The following OSBPL10 variants were observed in gnomAD, a reference collection of about 807,000 sequenced individuals.
OSBPL10 encodes oxysterol-binding protein-related protein 10.
A neutral mutation model predicts 81.7 loss-of-function variants in OSBPL10; 49 were observed. The observed-to-expected ratio is 0.60, with a 90% CI of 0.48 to 0.76. OSBPL10 has a LOEUF of 0.76. OSBPL10 is among the 30% of genes least tolerant of loss of function. OSBPL10 has a pLI of 0.00. For missense variants in OSBPL10, 923 were observed against 987.8 expected, an observed-to-expected ratio of 0.93 and a Z score of 0.88; for synonymous variants, 419 against 383.6, an observed-to-expected ratio of 1.09 and a Z score of -1.08.
chr3:31,748,052 G>A lies in OSBPL10; in HGVS notation c.798C>T (p.Gly266=), dbSNP rs1200504099. 1.9e-6 allele frequency: 3 copies of A among 1,614,034 alleles called. No individual in the cohort carries two copies. The highest frequency in any genetic ancestry group is 1.7e-6 in the Non-Finnish European group (2 of 1,180,040). The change falls in exon 5 of 12, where the codon GGC becomes GGT. Residue 266 remains glycine, a synonymous_variant. Coordinates refer to ENST00000396556, the MANE Select transcript of OSBPL10 (RefSeq NM_017784.5). ...GGTCCTGGTCCAAGGCAGTGAGGGG[G>A]CCGGACCCTGGCAGGGACTCAATGG... ...VHAIESLPGS[G]PLTALDQDLL...
chr3:31,989,456 C>G, intron 2 of OSBPL10: 1 of 1,614,216 alleles, frequency 6.2e-7, no homozygotes, highest in Non-Finnish European at 8.5e-7. Context: ...AGCCATGAAG[C>G]AACTATGACA....
At chr3:31,869,836 C>T (rs1018678494) in intron 3 of OSBPL10, among the ~76,000 whole-genome samples, 7 of 152,222 alleles carry the variant, frequency 4.6e-5, no homozygotes, top group African/African-American at 1.7e-4. Context: ...TGAAGAGTAA[C>T]ACAATCATGG....
intron 4 of OSBPL10, among the ~76,000 whole-genome samples, chr3:31,749,625 G>A (rs146628731): frequency 9.7e-4 from 147 of 152,178 alleles, no homozygotes; most frequent in African/African-American, 3.4e-3. Flanking sequence ...GACCAGCCTG[G>A]CCAACATGGT....
At chr3:32,037,151 G>A (rs1322602117) in intron 2 of OSBPL10, among the ~76,000 whole-genome samples, 1 of 152,194 alleles carries the variant, frequency 6.6e-6, no homozygotes, top group African/African-American at 2.4e-5. Flanking sequence ...TGGAAGAAAA[G>A]CTCCCCTACG....
chr3:31,810,496 A>T (rs991247073), intron 4 of OSBPL10, among the ~76,000 whole-genome samples: 1 of 152,144 alleles, frequency 6.6e-6, no homozygotes. Flanking sequence ...AAACAAAAAA[A>T]TTTTAACACA....
intron 5 of OSBPL10, among the ~76,000 whole-genome samples, chr3:31,740,968 T>C (rs984665764): frequency 2.7e-5 from 4 of 150,246 alleles, no homozygotes; most frequent in Non-Finnish European, 4.4e-5. Context: ...AAAACAAAAA[T>C]CATAAGGAGA....
chr3:31,741,800 T>C lies in OSBPL10; in HGVS notation c.940+6110A>G, dbSNP rs149118692. On this transcript the variant is annotated intron_variant, in intron 5 of 11. Coordinates refer to ENST00000396556, the MANE Select transcript of OSBPL10 (RefSeq NM_017784.5). Reference sequence around the variant, plus strand: ...AGAGACCCAGTGGAGTATGACTGAATCATGCGGCAGGTCTATCCCACACTG... The same window carrying C: ...AGAGACCCAGTGGAGTATGACTGAACCATGCGGCAGGTCTATCCCACACTG... 1.4e-3 allele frequency among the ~76,000 whole-genome samples: 216 copies of C among 152,296 alleles called. 2 individuals are homozygous for C. The highest frequency in any genetic ancestry group is 4.9e-3 in the African/African-American group (204 of 41,560).
intron 1 of OSBPL10, among the ~76,000 whole-genome samples, chr3:31,932,667 T>C (rs1697282282): frequency 6.6e-6 from 1 of 152,102 alleles, no homozygotes. Context: ...AAGAGGCTAT[T>C]TAACATCATT....
At chr3:31,800,119 G>T (rs1699343820) in intron 4 of OSBPL10, among the ~76,000 whole-genome samples, 1 of 152,202 alleles carries the variant, frequency 6.6e-6, no homozygotes, top group Non-Finnish European at 1.5e-5. Context: ...CTTAGCAATG[G>T]TCCAACTTCT....
chr3:32,007,936 C>A (rs1267341137), intron 2 of OSBPL10, among the ~76,000 whole-genome samples: 3 of 151,288 alleles, frequency 2.0e-5, no homozygotes, highest in Non-Finnish European at 4.4e-5. Flanking sequence ...AACTCCTGAC[C>A]TCAGGTGATC....
At chr3:31,988,593 G>A (rs1323193009) in intron 2 of OSBPL10, 1 of 168,636 alleles carries the variant, frequency 5.9e-6, no homozygotes, top group African/African-American at 2.4e-5. Flanking sequence ...ATAAACAGGG[G>A]AGTGTTCACT....
chr3:31,967,639 G>A (rs986753639), intron 1 of OSBPL10, among the ~76,000 whole-genome samples: 11 of 151,954 alleles, frequency 7.2e-5, no homozygotes, highest in African/African-American at 4.9e-5. Flanking sequence ...AATAGGGAAA[G>A]GATAAAAACA....
chr3:31,683,247 TTGTC>T (rs1333259326), intron 8 of OSBPL10, among the ~76,000 whole-genome samples: 1 of 152,238 alleles, frequency 6.6e-6, no homozygotes, highest in African/African-American at 2.4e-5. Flanking sequence ...ATTATCCTCA[TTGTC>T]TGTGAGCCAG....
chr3:32,041,804 T>A (rs1245871820), intron 2 of OSBPL10, among the ~76,000 whole-genome samples: 1 of 152,152 alleles, frequency 6.6e-6, no homozygotes, highest in Admixed American at 6.5e-5. Context: ...ATTTCAGGCA[T>A]GTGCCACCAC....
At chr3:31,905,298 A>G (rs1696371271) in intron 1 of OSBPL10, among the ~76,000 whole-genome samples, 2 of 151,290 alleles carry the variant, frequency 1.3e-5, no homozygotes, top group African/African-American at 4.9e-5. Flanking sequence ...AATATGTCAA[A>G]GAGCACATGG....
intron 3 of OSBPL10, among the ~76,000 whole-genome samples, chr3:31,845,509 A>G (rs895827980): frequency 3.3e-5 from 5 of 152,208 alleles, no homozygotes; most frequent in African/African-American, 1.2e-4. Context: ...ATTATGTGCA[A>G]TTATAGTGCT....
rs376035329 is a variant in OSBPL10 at position 31,683,935 on chromosome 3, G to T, written c.1425C>A (p.Ala475=). The change falls in exon 8 of 12, where the codon GCC becomes GCA. Residue 475 remains alanine (A), a synonymous_variant. Coordinates refer to ENST00000396556, the MANE Select transcript of OSBPL10 (RefSeq NM_017784.5). ...AFHEGRKGAL[A]KKPYNPIIGE... is the part of the protein sequence containing the mutation. ...CTATGATGGGGTTGTAGGGCTTCTT[G>T]GCTAAAGCGCCCTTGCGGCCCTCGT... 150 of 1,614,230 alleles carry T rather than the reference G, an allele frequency of 9.3e-5. No individual in the cohort carries two copies. The highest frequency in any genetic ancestry group is 1.6e-4 in the Middle Eastern group (1 of 6,062).
At chr3:31,847,924 G>C (rs372829413) in intron 3 of OSBPL10, among the ~76,000 whole-genome samples, 2 of 152,088 alleles carry the variant, frequency 1.3e-5, no homozygotes, top group African/African-American at 4.8e-5. Flanking sequence ...CCTGTGGGAC[G>C]AGGAGCCAGG....
intron 1 of OSBPL10, among the ~76,000 whole-genome samples, chr3:31,932,400 G>A (rs1376298061): frequency 6.6e-6 from 1 of 151,926 alleles, no homozygotes; most frequent in African/African-American, 2.4e-5. Context: ...GGATACAAAT[G>A]GCTTAAGTAC....
Sources: allele counts gnomAD v4.1 joint callset (sites outside exome capture counted in the v4.1 genomes callset), GRCh38; gene constraint gnomAD v4.1.1; transcripts MANE v1.5; gene names NCBI Gene and HGNC (gene_info 2026-07-23, HGNC 2026-07-21).